Variants in ESR2 observed in about 807,000 individuals in gnomAD.
ESR2 encodes the protein estrogen receptor 2, also known as estrogen receptor beta.
A neutral mutation model predicts 49.6 loss-of-function variants in ESR2; 36 were observed. The ratio of observed to expected loss-of-function variants is 0.73; its 90% confidence interval spans 0.56 to 0.96. ESR2 has a LOEUF of 0.96. ESR2 is among the 40% of genes least tolerant of loss of function. The pLI is 0.00. For missense variants in ESR2, 714 were observed against 693.0 expected, an observed-to-expected ratio of 1.03 and a Z score of -0.34; for synonymous variants, 320 against 266.1, an observed-to-expected ratio of 1.20 and a Z score of -1.97.
intron 8 of ESR2, chr14:64,234,644 G>T (rs2098730649): frequency 2.2e-6 from 1 of 451,658 alleles, no homozygotes; most frequent in Non-Finnish European, 3.9e-6. Context: ...TCAGCCCTGG[G>T]TGGTGTAAAC....
intron 4 of ESR2, among the ~76,000 whole-genome samples, chr14:64,268,466 C>T (rs572425023): frequency 3.9e-4 from 59 of 152,290 alleles, no homozygotes; most frequent in African/African-American, 1.3e-3. Flanking sequence ...CACAGACAGA[C>T]GGCCACCCAG....
intron 3 of ESR2, among the ~76,000 whole-genome samples, chr14:64,276,552 A>G (rs1413325468): frequency 6.6e-6 from 1 of 152,248 alleles, no homozygotes; most frequent in Non-Finnish European, 1.5e-5. Context: ...TGAACACTTG[A>G]AAACATCTGT....
chr14:64,273,178 C>T (rs1269141862), intron 3 of ESR2, among the ~76,000 whole-genome samples: 1 of 151,770 alleles, frequency 6.6e-6, no homozygotes. Context: ...TGCTACTGAT[C>T]CTGCAACTTT....
At chr14:64,274,647 T>C (rs2076521050) in intron 3 of ESR2, among the ~76,000 whole-genome samples, 1 of 152,132 alleles carries the variant, frequency 6.6e-6, no homozygotes, top group Non-Finnish European at 1.5e-5. Flanking sequence ...TTCTATTAAT[T>C]TTGGGTTTGG....
intron 2 of ESR2, among the ~76,000 whole-genome samples, 166 bp from the exon 3 acceptor site, chr14:64,280,319 A>AG (rs2076640035): frequency 6.6e-6 from 1 of 152,172 alleles, no homozygotes. Flanking sequence ...TTTGATACTG[A>AG]TATCATATCT....
chr14:64,302,870 C>T (rs1219148030), intron 1 of ESR2, among the ~76,000 whole-genome samples: 1 of 152,128 alleles, frequency 6.6e-6, no homozygotes, highest in Non-Finnish European at 1.5e-5. Flanking sequence ...ACAATCTCGG[C>T]TCACTGCAAC....
chr14:64,288,228 C>T (rs772616195), intron 1 of ESR2, among the ~76,000 whole-genome samples: 1 of 151,960 alleles, frequency 6.6e-6, no homozygotes, highest in Non-Finnish European at 1.5e-5. Flanking sequence ...GGGAAACATA[C>T]TATGGCTTTT....
downstream of ESR2, chr14:64,228,182 C>T (rs1346297607): frequency 4.9e-6 from 3 of 609,182 alleles, no homozygotes; most frequent in African/African-American, 3.9e-5. Context: ...GGTGCCCTTT[C>T]CCAGGAAGAC....
intron 7 of ESR2, among the ~76,000 whole-genome samples, chr14:64,236,606 C>T (rs1168700061): frequency 6.6e-6 from 1 of 152,090 alleles, no homozygotes; most frequent in East Asian, 1.9e-4. Flanking sequence ...CGCCTTGAGT[C>T]CCCCTCTCAA....
At chr14:64,324,001 T>C (rs1056202145) in intron 1 of ESR2, among the ~76,000 whole-genome samples, 1 of 152,204 alleles carries the variant, frequency 6.6e-6, no homozygotes, top group Admixed American at 6.5e-5. Flanking sequence ...CAGTCCTATA[T>C]GTTTGTAAAA....
At chr14:64,295,642 C>T (rs2076946730), upstream of ESR2, among the ~76,000 whole-genome samples, 1 of 152,128 alleles carries the variant, frequency 6.6e-6, no homozygotes. Context: ...GACAACATGC[C>T]AATCTCAGCC....
intron 1 of ESR2, among the ~76,000 whole-genome samples, chr14:64,310,656 G>A (rs1050338380): frequency 3.3e-5 from 5 of 151,978 alleles, no homozygotes; most frequent in Non-Finnish European, 5.9e-5. Context: ...ATTTTTAGTA[G>A]AGACGAGGTT....
intron 1 of ESR2, among the ~76,000 whole-genome samples, chr14:64,304,365 A>G (rs1367080274): frequency 1.3e-5 from 2 of 152,154 alleles, no homozygotes; most frequent in Non-Finnish European, 2.9e-5. Flanking sequence ...AAATTCCAAG[A>G]AAGAATACTT....
Position 64,237,098 on chromosome 14 carries a change from T to C in ESR2, c.1226-1948A>G, listed in dbSNP as rs369013339. Among the ~76,000 whole-genome samples, 450 of 152,118 alleles carry C rather than the reference T, an allele frequency of 3.0e-3. 7 individuals are homozygous for C. The highest frequency in any genetic ancestry group is 0.011 in the African/African-American group (438 of 41,504). On this transcript the variant is annotated intron_variant, in intron 7 of 8. Transcript: ENST00000341099. ...GCCTCAGCCTCCTTAGTAGCTGGGATTACAGGCATGCGCCACCATGCCCAG... is the reference window on the plus strand; with the variant it reads ...GCCTCAGCCTCCTTAGTAGCTGGGACTACAGGCATGCGCCACCATGCCCAG...
chr14:64,237,975 C>T (rs989227428), intron 7 of ESR2, among the ~76,000 whole-genome samples: 7 of 151,724 alleles, frequency 4.6e-5, no homozygotes, highest in South Asian at 2.1e-4. Context: ...CACCACATAC[C>T]GTGAATAAAC....
At chr14:64,288,901 G>T (rs565944015) in intron 1 of ESR2, among the ~76,000 whole-genome samples, 1 of 149,222 alleles carries the variant, frequency 6.7e-6, no homozygotes, top group Non-Finnish European at 1.5e-5. Context: ...CAGGAGAATC[G>T]CTTGAACCCA....
intron 1 of ESR2, among the ~76,000 whole-genome samples, chr14:64,289,736 A>C (rs1315013893): frequency 1.3e-5 from 2 of 152,090 alleles, no homozygotes; most frequent in Non-Finnish European, 2.9e-5. Context: ...CATCACCCCT[A>C]GTCCAGATAG....
intron 1 of ESR2, among the ~76,000 whole-genome samples, chr14:64,324,925 A>G (rs1488349335): frequency 1.3e-5 from 2 of 152,242 alleles, no homozygotes; most frequent in African/African-American, 4.8e-5. Flanking sequence ...TTAAAAAATT[A>G]TAGACTTCTG....
intron 7 of ESR2, among the ~76,000 whole-genome samples, chr14:64,237,005 G>T (rs890246367): frequency 6.6e-6 from 1 of 151,032 alleles, no homozygotes; most frequent in Non-Finnish European, 1.5e-5. Context: ...CTGTCACCCA[G>T]CCTGGAGTGC....
Sources: gnomAD v4.1 joint callset for allele counts (sites outside exome capture counted in the v4.1 genomes callset) on GRCh38, gnomAD v4.1.1 for gene constraint, MANE v1.5 for transcripts, NCBI Gene and HGNC (gene_info 2026-07-23, HGNC 2026-07-21) for gene names.